LRP1B: variants seen among roughly 807,000 people sequenced by gnomAD.
The protein encoded by LRP1B is low-density lipoprotein receptor-related protein 1B.
LRP1B carries 217 observed loss-of-function variants against 556.6 expected under a neutral mutation model. The ratio of observed to expected loss-of-function variants is 0.39; its 90% CI spans 0.35 to 0.44. The LOEUF (loss-of-function observed/expected upper bound fraction) is 0.44. Among genes scored for constraint, LRP1B ranks in the 20% least tolerant of loss-of-function variants. The pLI is 1.00. For missense variants in LRP1B, 5,053 were observed against 5,620.8 expected (o/e 0.90, Z 3.23); for synonymous variants, 2,047 against 1,865.8 (o/e 1.10, Z -2.50).
chr2:141,806,348 C>T (rs1696167769), intron 2 of LRP1B, among the ~76,000 whole-genome samples: 1 of 151,918 alleles, frequency 6.6e-6, no homozygotes, highest in African/African-American at 2.4e-5. Context: ...GGTGATTTCC[C>T]TGATTTTCTA....
chr2:141,786,590 G>A (rs570216966), intron 2 of LRP1B, among the ~76,000 whole-genome samples: 1 of 151,986 alleles, frequency 6.6e-6, no homozygotes, highest in African/African-American at 2.4e-5. Flanking sequence ...AGAAAACACA[G>A]ATAATTGTGT....
chr2:141,037,847 C>A (rs1698577624), intron 11 of LRP1B, among the ~76,000 whole-genome samples: 1 of 151,762 alleles, frequency 6.6e-6, no homozygotes, highest in South Asian at 2.1e-4. Context: ...AAAAACCTTG[C>A]AAGCACAGAC....
chr2:140,614,422 G>T (rs496552), intron 41 of LRP1B, among the ~76,000 whole-genome samples: 66,935 of 151,656 alleles, frequency 0.44, 15,229 homozygotes, highest in African/African-American at 0.54. Flanking sequence ...CCCCTCAAAG[G>T]AAACCTGTTT....
intron 15 of LRP1B, among the ~76,000 whole-genome samples, chr2:140,998,824 G>T (rs1003847919): frequency 5.9e-5 from 9 of 152,030 alleles, no homozygotes; most frequent in Non-Finnish European, 1.0e-4. Flanking sequence ...AACAAGGATG[G>T]CTGAAACCAG....
intron 49 of LRP1B, among the ~76,000 whole-genome samples, chr2:140,522,977 C>T (rs1027783334): frequency 6.6e-6 from 1 of 151,946 alleles, no homozygotes; most frequent in Non-Finnish European, 1.5e-5. Flanking sequence ...AGAGCTGATA[C>T]CAATGCTGCT....
At chr2:141,802,041 T>C (rs1334713768) in intron 2 of LRP1B, among the ~76,000 whole-genome samples, 1 of 152,156 alleles carries the variant, frequency 6.6e-6, no homozygotes, top group Admixed American at 6.6e-5. Context: ...GTTGGTTTCC[T>C]CTGAGGCCTC....
At chr2:142,065,318 T>C (rs1222746101) in intron 1 of LRP1B, among the ~76,000 whole-genome samples, 1 of 151,386 alleles carries the variant, frequency 6.6e-6, no homozygotes, top group South Asian at 2.1e-4. Flanking sequence ...AGGAACAATA[T>C]GTTTCTTTGC....
intron 2 of LRP1B, among the ~76,000 whole-genome samples, chr2:141,688,969 C>T (rs1353750034): frequency 1.3e-4 from 19 of 151,786 alleles, no homozygotes; most frequent in Non-Finnish European, 2.4e-4. Context: ...AATTCCTTGT[C>T]CTTTAACTGT....
chr2:141,480,834 A>G (rs1400988578), intron 2 of LRP1B, among the ~76,000 whole-genome samples: 1 of 152,210 alleles, frequency 6.6e-6, no homozygotes, highest in African/African-American at 2.4e-5. Flanking sequence ...TCATTGTTTC[A>G]TCTCATATCC....
At chr2:141,372,505 G>T (rs928245204) in intron 3 of LRP1B, among the ~76,000 whole-genome samples, 1 of 151,974 alleles carries the variant, frequency 6.6e-6, no homozygotes, top group Non-Finnish European at 1.5e-5. Flanking sequence ...GCATCCAACT[G>T]GTCCTGGCGT....
intron 17 of LRP1B, among the ~76,000 whole-genome samples, chr2:140,982,718 T>C (rs1170368270): frequency 6.6e-6 from 1 of 152,202 alleles, no homozygotes; most frequent in Non-Finnish European, 1.5e-5. Flanking sequence ...GATCTCAGGA[T>C]ATCTAGTTTC....
intron 25 of LRP1B, among the ~76,000 whole-genome samples, chr2:140,881,251 TAA>T (rs1491391801): frequency 5.4e-5 from 5 of 92,460 alleles, no homozygotes; most frequent in African/African-American, 9.3e-5. Flanking sequence ...GGCTTTGCTG[TAA>T]GTGTGTGTGT....
rs550212178 is a variant in LRP1B at position 140,370,895 on chromosome 2, C to G, written c.10876-53G>C. Reference sequence around the variant, plus strand: ...TTTTCATTAATGATAATGATACAATCATGGGCAAAATAAACATGCAGCTTG... The same window carrying G: ...TTTTCATTAATGATAATGATACAATGATGGGCAAAATAAACATGCAGCTTG... On this transcript the variant is annotated intron_variant, in intron 70 of 90. Transcript: ENST00000389484. 1.1e-4 allele frequency: 173 copies of G among 1,583,424 alleles called. No homozygotes were observed. The East Asian group carries it at 3.7e-3, about 34-fold the overall frequency.
At position 140,270,195 on chromosome 2, in the gene LRP1B, A is replaced by G. The variant is rs373559195; in HGVS notation, c.13247+47T>C. 2.5e-4 allele frequency: 328 copies of G among 1,335,764 alleles called. 1 individual carries two copies. Among genetic ancestry groups the G allele is most frequent in the South Asian group, 6.9e-4 (59 of 85,022 alleles). 82.7% of individuals were successfully genotyped at this position (1,335,764 alleles called of 1,614,324 possible). A position where few individuals can be genotyped will look rare whatever the true frequency, so the allele number is the denominator to read the frequency against. ...ATAATAGAACAGGGATTTCATGTAC[A>G]TACAAAGGCTTATTATAAGATGCCC... On this transcript the variant is annotated intron_variant, in intron 86 of 90. Coordinates refer to ENST00000389484, the MANE Select transcript of LRP1B (RefSeq NM_018557.3).
intron 2 of LRP1B, among the ~76,000 whole-genome samples, chr2:141,503,180 ATAAAG>A (rs569615811): frequency 2.9e-3 from 429 of 148,202 alleles, no homozygotes; most frequent in African/African-American, 9.2e-3. Flanking sequence ...GAATAATATA[ATAAAG>A]TAAACATGAA....
intron 21 of LRP1B, among the ~76,000 whole-genome samples, chr2:140,921,245 T>A (rs573982209): frequency 1.3e-5 from 2 of 152,120 alleles, no homozygotes; most frequent in African/African-American, 4.8e-5. Context: ...GTTTTATGTT[T>A]CGCATCTCAA....
chr2:140,928,609 G>A (rs1364189901), intron 20 of LRP1B, among the ~76,000 whole-genome samples: 1 of 152,030 alleles, frequency 6.6e-6, no homozygotes, highest in Non-Finnish European at 1.5e-5. Context: ...CATCTTATTG[G>A]TCCCAGTCAA....
At chr2:140,476,128 G>A (rs16844085) in intron 59 of LRP1B, among the ~76,000 whole-genome samples, 7,320 of 152,052 alleles carry the variant, frequency 0.048, 218 homozygotes, top group African/African-American at 0.052. Context: ...TAACGTATAA[G>A]CGGCAGATTA....
chr2:140,376,656 C>A lies in LRP1B; in HGVS notation c.10638+1524G>T, dbSNP rs549579438. Among the ~76,000 whole-genome samples the A allele has an allele frequency of 2.6e-5, 4 of 152,146 alleles. No individual in the cohort carries two copies. The South Asian group carries it at 8.3e-4, about 32-fold the overall frequency. The stretch of plus-strand genomic sequence containing the variant: ...GTATTTTTCAACTTTTTCTCTTGAG[C>A]GACCTTTGCATCCTTGAGACTTAGG... On this transcript the variant is annotated intron_variant, in intron 68 of 90. Coordinates refer to ENST00000389484, the MANE Select transcript of LRP1B (RefSeq NM_018557.3).
Sources: allele counts gnomAD v4.1 joint callset (sites outside exome capture counted in the v4.1 genomes callset), GRCh38; gene constraint gnomAD v4.1.1; transcripts MANE v1.5; gene names NCBI Gene and HGNC (gene_info 2026-07-23, HGNC 2026-07-21).